CPM: variants seen among roughly 807,000 people sequenced by gnomAD.
The protein encoded by CPM is renal carboxypeptidase.
A neutral mutation model predicts 46.4 loss-of-function variants in CPM; 35 were observed. That is an observed-to-expected ratio of 0.75 (90% CI 0.58 to 1.00). The LOEUF (loss-of-function observed/expected upper bound fraction) is 1.00, where lower values mean the gene tolerates loss of function less well. Ranked by LOEUF, CPM falls within the 50% of genes least tolerant of loss-of-function variation. The pLI, the probability that CPM is intolerant of heterozygous loss-of-function variation, is 0.00. For synonymous variants in CPM, 195 were observed against 195.3 expected (o/e 1.00, Z 0.01); for missense variants, 422 against 530.4 (o/e 0.80, Z 2.01).
At position 68,853,958 on chromosome 12, in the gene CPM, GTAAC is replaced by G. The variant is rs1321844405; in HGVS notation, c.*2475_*2478del. On this transcript the variant is annotated 3_prime_UTR_variant, in exon 9 of 9. Coordinates refer to ENST00000551568, the MANE Select transcript of CPM (RefSeq NM_198320.5). Reference sequence around the variant, plus strand: ...CTTATAGGTAACGGTCTAATACAGGGTAACTCTCATAGTGGAGAACTTGAGAAGC... The same window carrying G: ...CTTATAGGTAACGGTCTAATACAGGGTCTCATAGTGGAGAACTTGAGAAGC... 6.6e-6 allele frequency: 1 copy of G among 152,044 alleles called. No homozygotes were observed. Among genetic ancestry groups the G allele is most frequent in the African/African-American group, 2.4e-5 (1 of 41,386 alleles). 9.4% of individuals were successfully genotyped at this position (152,044 alleles called of 1,614,324 possible).
intron 2 of CPM, among the ~76,000 whole-genome samples, chr12:68,916,997 T>G (rs1388482934): frequency 6.6e-6 from 1 of 152,118 alleles, no homozygotes; most frequent in African/African-American, 2.4e-5. Context: ...TCTGTCATTT[T>G]CCTATCAAGC....
intron 3 of CPM, among the ~76,000 whole-genome samples, chr12:68,881,576 T>C (rs1448295662): frequency 1.9e-5 from 1 of 52,896 alleles, no homozygotes; most frequent in African/African-American, 1.0e-4. Context: ...GCAAATAGCA[T>C]ATCTCTTTTG....
chr12:68,870,189 C>A (rs1401750248), intron 5 of CPM, 26 bp downstream of exon 5: 1 of 1,600,922 alleles, frequency 6.2e-7, no homozygotes. Flanking sequence ...ACTTAAGAAG[C>A]CAGAACTGGA....
chr12:68,921,290 T>A (rs1888031776), intron 2 of CPM, among the ~76,000 whole-genome samples: 1 of 151,726 alleles, frequency 6.6e-6, no homozygotes, highest in African/African-American at 2.4e-5. Flanking sequence ...TACAGGCACC[T>A]GCCACCATGC....
chr12:68,851,394 G>A lies in CPM; in HGVS notation c.*5043C>T, dbSNP rs1884668384. ...GTCCAGGCAGAGGCAGGCAGATCAT[G>A]AGGTCAGGAGATCGAGACCATCCTG... On this transcript the variant is annotated 3_prime_UTR_variant, in exon 9 of 9. Coordinates refer to ENST00000551568, the MANE Select transcript of CPM (RefSeq NM_198320.5). The A allele has an allele frequency of 6.6e-6, 1 of 152,550 alleles. No individual in the cohort carries two copies. Among genetic ancestry groups the A allele is most frequent in the African/African-American group, 2.4e-5 (1 of 41,404 alleles). The allele number at this position is 152,550 out of a possible 1,614,324, so 9.4% of individuals were successfully genotyped here. A position where few individuals can be genotyped will look rare whatever the true frequency, so the allele number is the denominator to read the frequency against.
chr12:68,919,034 C>A (rs897462374), intron 2 of CPM, among the ~76,000 whole-genome samples: 3 of 152,226 alleles, frequency 2.0e-5, no homozygotes, highest in Non-Finnish European at 4.4e-5. Flanking sequence ...TCCAGCCACC[C>A]TGGTCTCACT....
chr12:68,846,659 T>C (rs1010467458), downstream of CPM: 4 of 152,214 alleles, frequency 2.6e-5, no homozygotes, highest in African/African-American at 7.2e-5. Context: ...AACTTGCTTT[T>C]TGGATTTTAT....
chr12:68,909,599 A>G (rs1039970059), intron 2 of CPM, among the ~76,000 whole-genome samples: 7 of 152,264 alleles, frequency 4.6e-5, no homozygotes, highest in South Asian at 2.1e-4. Context: ...ATGTCCATCA[A>G]TGATAGACTG....
chr12:68,963,056 G>C (rs1329008755), intron 1 of CPM: 2 of 152,838 alleles, frequency 1.3e-5, no homozygotes, highest in Non-Finnish European at 2.9e-5. Flanking sequence ...TGTGTCATGG[G>C]TGTGTCCTTA....
chr12:68,842,257 T>A, exon 6 of CPM: 1 of 497,006 alleles, frequency 2.0e-6, no homozygotes, highest in Non-Finnish European at 4.0e-6. Flanking sequence ...GAAAAAGGAC[T>A]ACGGAAAGTT....
At chr12:68,961,378 C>A (rs960205382) in intron 1 of CPM, among the ~76,000 whole-genome samples, 7 of 152,094 alleles carry the variant, frequency 4.6e-5, no homozygotes, top group African/African-American at 1.4e-4. Flanking sequence ...CTCCTGGGCT[C>A]GAGTGGTCCA....
chr12:68,917,051 T>A (rs1233108811), intron 2 of CPM, among the ~76,000 whole-genome samples: 2 of 152,090 alleles, frequency 1.3e-5, no homozygotes, highest in African/African-American at 2.4e-5. Flanking sequence ...AAGCAAAACG[T>A]GTTTAACAGC....
intron 2 of CPM, among the ~76,000 whole-genome samples, chr12:68,910,261 G>T (rs1203587907): frequency 1.3e-5 from 2 of 152,134 alleles, no homozygotes; most frequent in Admixed American, 1.3e-4. Context: ...GTTTGAAACA[G>T]TTAAAAAAAT....
intron 2 of CPM, among the ~76,000 whole-genome samples, chr12:68,890,811 G>A (rs1886623776): frequency 6.6e-6 from 1 of 152,210 alleles, no homozygotes; most frequent in Non-Finnish European, 1.5e-5. Context: ...ATCTCTATGT[G>A]GAGAGTCTCA....
At chr12:68,896,754 G>A (rs1387361395) in intron 2 of CPM, among the ~76,000 whole-genome samples, 1 of 152,108 alleles carries the variant, frequency 6.6e-6, no homozygotes, top group Non-Finnish European at 1.5e-5. Context: ...GGGAGATAGA[G>A]TTGCATTTGC....
At chr12:68,909,584 C>T (rs936875651) in intron 2 of CPM, among the ~76,000 whole-genome samples, 4 of 152,106 alleles carry the variant, frequency 2.6e-5, no homozygotes, top group African/African-American at 9.6e-5. Flanking sequence ...TTGGAACCAA[C>T]CCAAATGTCC....
intron 1 of CPM, among the ~76,000 whole-genome samples, chr12:68,947,966 C>T (rs973568644): frequency 6.6e-6 from 1 of 152,136 alleles, no homozygotes; most frequent in Non-Finnish European, 1.5e-5. Context: ...TTCCCCATCC[C>T]AAAGCAAACT....
At chr12:68,922,618 ATTTTTTT>A (rs10603077) in intron 2 of CPM, among the ~76,000 whole-genome samples, 1 of 138,118 alleles carries the variant, frequency 7.2e-6, no homozygotes. Flanking sequence ...AGTTGGCAGC[ATTTTTTT>A]TTTTTTTTTT....
intron 2 of CPM, among the ~76,000 whole-genome samples, chr12:68,927,048 G>A (rs955823670): frequency 2.6e-5 from 4 of 152,108 alleles, no homozygotes; most frequent in Non-Finnish European, 5.9e-5. Context: ...CTTTATACCA[G>A]CATGATTTAT....
Sources: allele counts gnomAD v4.1 joint callset (sites outside exome capture counted in the v4.1 genomes callset), GRCh38; gene constraint gnomAD v4.1.1; transcripts MANE v1.5; gene names NCBI Gene and HGNC (gene_info 2026-07-23, HGNC 2026-07-21).